Variants in CHRFAM7A observed in about 807,000 individuals in gnomAD.
CHRFAM7A encodes the protein CHRNA7-FAM7A fusion protein.
CHRFAM7A carries 3 observed loss-of-function variants against 29.2 expected under a neutral mutation model. The observed-to-expected ratio is 0.10, with a 90% CI of 0.05 to 0.27. CHRFAM7A has a LOEUF of 0.27. Among genes scored for constraint, CHRFAM7A ranks in the 10% least tolerant of loss-of-function variants. CHRFAM7A has a pLI of 1.00. For synonymous variants in CHRFAM7A, 7 were observed against 135.4 expected, an observed-to-expected ratio of 0.05 and a Z score of 6.58; for missense variants, 22 against 328.0, an observed-to-expected ratio of 0.07 and a Z score of 7.21.
intron 5 of CHRFAM7A, among the ~76,000 whole-genome samples, chr15:30,375,639 G>A (rs1179214843): frequency 2.0e-5 from 3 of 147,916 alleles, no homozygotes; most frequent in African/African-American, 7.6e-5. Context: ...TGGTGTGTGA[G>A]AGTGGTGTGT....
intron 9 of CHRFAM7A, among the ~76,000 whole-genome samples, chr15:30,367,121 A>C (rs1252705474): frequency 1.3e-5 from 2 of 150,458 alleles, no homozygotes; most frequent in Non-Finnish European, 3.0e-5. Flanking sequence ...ATCTCTACTA[A>C]AAATACAAAA....
intron 8 of CHRFAM7A, among the ~76,000 whole-genome samples, chr15:30,369,075 G>C (rs2058827641): frequency 1.4e-5 from 2 of 147,052 alleles, no homozygotes; most frequent in South Asian, 2.2e-4. Flanking sequence ...CCTTCAACAG[G>C]TCCTGAGGGT....
intron 5 of CHRFAM7A, among the ~76,000 whole-genome samples, chr15:30,373,542 G>C (rs1447736395): frequency 7.5e-6 from 1 of 133,034 alleles, no homozygotes; most frequent in Non-Finnish European, 1.7e-5. Context: ...GTGTGTGTGT[G>C]TGTCTGTTTG....
intron 9 of CHRFAM7A, among the ~76,000 whole-genome samples, chr15:30,363,190 A>G (rs1257823388): frequency 1.4e-5 from 2 of 146,752 alleles, no homozygotes; most frequent in Admixed American, 6.8e-5. Flanking sequence ...TGGCTCCCAC[A>G]CTACCTGTTA....
At chr15:30,376,106 TGTGTGTGAGTACTGAGTG>T (rs1394886722) in intron 5 of CHRFAM7A, among the ~76,000 whole-genome samples, 4 of 131,942 alleles carry the variant, frequency 3.0e-5, no homozygotes, top group Non-Finnish European at 6.8e-5. Flanking sequence ...GTGTGAGTGG[TGTGTGTGAGTACTGAGTG>T]GTGTGTGTGT....
chr15:30,393,883 GTCTA>G (rs1470311511), upstream of CHRFAM7A: 1,420 of 47,966 alleles, frequency 0.03, 84 homozygotes, highest in East Asian at 0.11. Context: ...GTGTGTGTGT[GTCTA>G]TGTGTGTGTG....
intron 8 of CHRFAM7A, 138 bp from the exon 9 acceptor site, chr15:30,367,665 C>CCA (rs1279320694): frequency 1.7e-6 from 2 of 1,166,202 alleles, no homozygotes; most frequent in African/African-American, 3.3e-5. Flanking sequence ...GGCCTGCAGC[C>CCA]CACATTCTGG....
At chr15:30,376,184 G>A (rs1428436750) in intron 5 of CHRFAM7A, among the ~76,000 whole-genome samples, 1 of 64,142 alleles carries the variant, frequency 1.6e-5, no homozygotes, top group Non-Finnish European at 3.4e-5. Flanking sequence ...TGTGTGGTAT[G>A]TGTGAGTGGC....
Position 30,362,215 on chromosome 15 carries a change from G to GTCGCCGTATC in CHRFAM7A, c.*77_*78insGATACGGCGA. 1 of 83,174 alleles carries GTCGCCGTATC rather than the reference G, an allele frequency of 1.2e-5. No homozygotes were observed. The allele number at this position is 83,174 out of a possible 1,614,324, so 5.2% of individuals were successfully genotyped here. ...AGTTGTGGCGTGTAATGCTGTCCTG[G>GTCGCCGTATC]ATTAGCACCCCCAAATCTCGCCAAG... On this transcript the variant is annotated 3_prime_UTR_variant, in exon 10 of 10. Coordinates refer to ENST00000299847, the MANE Select transcript of CHRFAM7A (RefSeq NM_139320.2).
intron 9 of CHRFAM7A, among the ~76,000 whole-genome samples, chr15:30,367,183 G>A (rs2058795888): frequency 6.6e-6 from 1 of 151,042 alleles, no homozygotes; most frequent in African/African-American, 2.4e-5. Context: ...CTACTTGGGA[G>A]GCTGAGGCAG....
intron 6 of CHRFAM7A, 110 bp from the exon 7 acceptor site, chr15:30,372,451 T>TTA: frequency 2.1e-5 from 1 of 47,292 alleles, no homozygotes; most frequent in East Asian, 1.8e-4. Context: ...TGCAAAGTGC[T>TTA]AAAAAAAAAA....
chr15:30,375,771 G>A (rs1328253159), intron 5 of CHRFAM7A, among the ~76,000 whole-genome samples: 4 of 151,256 alleles, frequency 2.6e-5, no homozygotes, highest in Non-Finnish European at 5.9e-5. Flanking sequence ...TGTGTGAGTG[G>A]TGTGTGAGTG....
At chr15:30,377,676 G>A (rs2058947293) in intron 4 of CHRFAM7A, among the ~76,000 whole-genome samples, 1 of 139,346 alleles carries the variant, frequency 7.2e-6, no homozygotes, top group African/African-American at 2.7e-5. Context: ...CTGGGTTCAT[G>A]TCATCCTCCT....
intron 5 of CHRFAM7A, among the ~76,000 whole-genome samples, chr15:30,376,077 GGTGTGAGTA>G (rs1468553946): frequency 8.1e-5 from 12 of 148,116 alleles, no homozygotes; most frequent in South Asian, 4.4e-4. Context: ...GTGTATGAGT[GGTGTGAGTA>G]GTGTGAGTGG....
chr15:30,367,226 C>T (rs2058796737), intron 9 of CHRFAM7A, among the ~76,000 whole-genome samples, 192 bp downstream of exon 9: 1 of 151,194 alleles, frequency 6.6e-6, no homozygotes, highest in Non-Finnish European at 1.5e-5. Flanking sequence ...GTGGAGGTTG[C>T]AGTGAGCCAA....
chr15:30,377,581 T>C (rs2058946005), intron 4 of CHRFAM7A, among the ~76,000 whole-genome samples: 1 of 127,406 alleles, frequency 7.8e-6, no homozygotes. Flanking sequence ...ATATATCTTT[T>C]TTTTTTTTTT....
intron 7 of CHRFAM7A, among the ~76,000 whole-genome samples, chr15:30,371,630 G>C (rs922640806): frequency 6.0e-5 from 9 of 149,102 alleles, no homozygotes; most frequent in African/African-American, 2.3e-4. Flanking sequence ...CAGAAGATAT[G>C]GGTTTGGGAA....
chr15:30,372,898 G>C, intron 6 of CHRFAM7A, 80 bp downstream of exon 6: 2 of 1,367,502 alleles, frequency 1.5e-6, no homozygotes, highest in Non-Finnish European at 2.0e-6. Flanking sequence ...CACCGGAAAG[G>C]ACAGTGGAAA....
intron 1 of CHRFAM7A, among the ~76,000 whole-genome samples, chr15:30,388,839 A>C (rs2058989290): frequency 7.0e-6 from 1 of 143,028 alleles, no homozygotes. Flanking sequence ...ACAGGCTCTA[A>C]AAAAAAAAAA....
Sources: allele counts gnomAD v4.1 joint callset (sites outside exome capture counted in the v4.1 genomes callset), GRCh38; gene constraint gnomAD v4.1.1; transcripts MANE v1.5; gene names NCBI Gene and HGNC (gene_info 2026-07-23, HGNC 2026-07-21).